Variants in DAP3 observed in about 807,000 individuals in gnomAD.
DAP3 encodes small ribosomal subunit protein mS29.
A neutral mutation model predicts 51.9 loss-of-function variants in DAP3; 28 were observed. The ratio of observed to expected loss-of-function variants is 0.54; its 90% CI spans 0.40 to 0.74. The LOEUF (loss-of-function observed/expected upper bound fraction) is 0.74. Among genes scored for constraint, DAP3 ranks in the 30% least tolerant of loss-of-function variants. DAP3 has a pLI of 0.00. For missense variants in DAP3, 458 were observed against 483.5 expected, an observed-to-expected ratio of 0.95 and a Z score of 0.49; for synonymous variants, 170 against 170.3, an observed-to-expected ratio of 1.00 and a Z score of 0.01.
At chr1:155,708,538 TTG>T (rs892259168) in intron 1 of DAP3, among the ~76,000 whole-genome samples, 6 of 140,960 alleles carry the variant, frequency 4.3e-5, no homozygotes, top group Admixed American at 1.5e-4. Flanking sequence ...TTTTCTGTTT[TTG>T]TTTTTTTTTT....
At chr1:155,692,974 A>C (rs77553245) in intron 1 of DAP3, among the ~76,000 whole-genome samples, 1 of 141,858 alleles carries the variant, frequency 7.0e-6, no homozygotes, top group Non-Finnish European at 1.5e-5. Flanking sequence ...TCCAGCAGCC[A>C]CAACAGTAGC....
chr1:155,735,213 A>G lies in DAP3; in HGVS notation c.994-1733A>G, dbSNP rs1659645635. On this transcript the variant is annotated intron_variant, in intron 11 of 12. Coordinates refer to ENST00000368336, the MANE Select transcript of DAP3 (RefSeq NM_004632.4). ...GGAGAATCGCTTGACCCTGGGAGGC[A>G]GAGGTTGCAGTGAGCTAAGATGTGC... is the stretch of plus-strand genomic sequence containing the variant. Among the ~76,000 whole-genome samples the G allele has an allele frequency of 2.0e-5, 3 of 152,158 alleles. No homozygotes were observed. In the South Asian group the frequency reaches 6.2e-4, roughly 32 times the overall value.
At chr1:155,699,841 C>A (rs1424683538) in intron 1 of DAP3, among the ~76,000 whole-genome samples, 1 of 152,160 alleles carries the variant, frequency 6.6e-6, no homozygotes, top group Non-Finnish European at 1.5e-5. Flanking sequence ...GTCTCAAACT[C>A]CTGGAATTAA....
intron 3 of DAP3, among the ~76,000 whole-genome samples, chr1:155,719,436 A>G (rs1657731955): frequency 6.6e-6 from 1 of 151,682 alleles, no homozygotes; most frequent in Admixed American, 6.6e-5. Flanking sequence ...GGGTTTTACC[A>G]TGTTGGCCAG....
chr1:155,718,198 C>T (rs562778316), intron 3 of DAP3, among the ~76,000 whole-genome samples: 45 of 152,156 alleles, frequency 3.0e-4, no homozygotes, highest in African/African-American at 1.0e-3. Flanking sequence ...CCAGCCTAGC[C>T]AACATGGCGA....
chr1:155,706,592 C>A (rs934752828), intron 1 of DAP3, among the ~76,000 whole-genome samples: 1 of 151,446 alleles, frequency 6.6e-6, no homozygotes, highest in Admixed American at 6.6e-5. Flanking sequence ...CATGGTGAAA[C>A]CCCGTTTCTA....
intron 3 of DAP3, among the ~76,000 whole-genome samples, chr1:155,721,052 C>T (rs1657939335): frequency 6.7e-6 from 1 of 149,388 alleles, no homozygotes; most frequent in South Asian, 2.1e-4. Flanking sequence ...AAAAAGAAGA[C>T]AAGGCTGGGC....
intron 5 of DAP3, 50 bp from the exon 6 acceptor site, chr1:155,725,877 C>T (rs1295362341): frequency 1.3e-6 from 2 of 1,559,860 alleles, no homozygotes; most frequent in Non-Finnish European, 1.8e-6. Flanking sequence ...CTACTGTTCA[C>T]ATACAAGTGA....
At chr1:155,731,624 A>T (rs1659251741) in intron 10 of DAP3, 1 of 564,494 alleles carries the variant, frequency 1.8e-6, no homozygotes, top group African/African-American at 1.9e-5. Context: ...TTCCAAAGTA[A>T]GTTTATTCAA....
At chr1:155,700,629 G>A (rs1182881348) in intron 1 of DAP3, among the ~76,000 whole-genome samples, 2 of 141,440 alleles carry the variant, frequency 1.4e-5, no homozygotes, top group African/African-American at 2.7e-5. Flanking sequence ...GCCTCGGCCC[G>A]GCCGCCCCTA....
At position 155,699,283 on chromosome 1, in the gene DAP3, G is replaced by T. The variant is rs1420117328; in HGVS notation, c.-8+10109G>T. ...CAAGCAGCATATCTTTAGTTAGCTG[G>T]TGGGAGTGGGCTTAACTAGGAGCCT... On this transcript the variant is annotated intron_variant, in intron 1 of 12. Coordinates refer to ENST00000368336, the MANE Select transcript of DAP3 (RefSeq NM_004632.4). 7.2e-5 allele frequency among the ~76,000 whole-genome samples: 11 copies of T among 152,312 alleles called. No individual in the cohort carries two copies. In the East Asian group the frequency reaches 1.9e-3, roughly 27 times the overall value.
intron 11 of DAP3, among the ~76,000 whole-genome samples, chr1:155,733,451 G>A (rs1659443843): frequency 6.6e-6 from 1 of 152,170 alleles, no homozygotes; most frequent in South Asian, 2.1e-4. Flanking sequence ...CTCCGCAGCT[G>A]GTATGGTCTT....
chr1:155,709,203 G>C (rs1656393291), intron 1 of DAP3: 1 of 150,726 alleles, frequency 6.6e-6, no homozygotes, highest in Admixed American at 6.6e-5. Flanking sequence ...CTGGAATGTA[G>C]TGCATCTCAG....
Position 155,729,217 on chromosome 1 carries a change from C to CG in DAP3, c.697dup (p.Val233GlyfsTer47), listed in dbSNP as rs1377629908. The CG allele has an allele frequency of 6.2e-7, 1 of 1,614,056 alleles. No homozygotes were observed. The highest frequency in any genetic ancestry group is 8.5e-7 in the Non-Finnish European group (1 of 1,180,044). ...CTGTCTCTCCCAATAGGGCATAACA[C>CG]GGGTGAGGAACGCCACAGATGCAGT... is the stretch of plus-strand genomic sequence containing the variant. On this transcript the variant is annotated frameshift_variant, in exon 9 of 13. Coordinates refer to ENST00000368336, the MANE Select transcript of DAP3 (RefSeq NM_004632.4). LOFTEE classifies it high-confidence loss of function.
At chr1:155,724,656 C>G (rs760004470) in intron 4 of DAP3, among the ~76,000 whole-genome samples, 1 of 134,966 alleles carries the variant, frequency 7.4e-6, no homozygotes. Context: ...AAAAAAAAAT[C>G]AACTAAAAAT....
At chr1:155,689,502 A>T (rs375946990) in intron 1 of DAP3, 9 of 452,888 alleles carry the variant, frequency 2.0e-5, no homozygotes, top group South Asian at 1.2e-4. Context: ...TGTGCTTCTC[A>T]TTCAGTTCTG....
At chr1:155,729,393 GTTT>G in intron 9 of DAP3, 27 bp downstream of exon 9, 1 of 1,609,802 alleles carries the variant, frequency 6.2e-7, no homozygotes, top group Non-Finnish European at 8.5e-7. Context: ...TCTCTATCTT[GTTT>G]CTCTGATTTC....
chr1:155,721,341 T>C (rs530932099), intron 3 of DAP3, among the ~76,000 whole-genome samples, 176 bp from the exon 4 acceptor site: 15 of 149,860 alleles, frequency 1.0e-4, no homozygotes, highest in African/African-American at 3.2e-4. Context: ...TTAAAAATAA[T>C]ATATATATAT....
At chr1:155,737,559 G>C (rs1216486485) in intron 12 of DAP3, among the ~76,000 whole-genome samples, 1 of 152,086 alleles carries the variant, frequency 6.6e-6, no homozygotes, top group Admixed American at 6.6e-5. Context: ...ACTTGCCCTT[G>C]ACCTCACATT....
Sources: allele counts gnomAD v4.1 joint callset (sites outside exome capture counted in the v4.1 genomes callset), GRCh38; gene constraint gnomAD v4.1.1; transcripts MANE v1.5; gene names NCBI Gene and HGNC (gene_info 2026-07-23, HGNC 2026-07-21).